The following STX16 variants were observed in gnomAD, a reference collection of about 807,000 sequenced individuals.
STX16 encodes the protein syntaxin-16.
In STX16, 28 loss-of-function variants were observed where a neutral mutation model predicts 42.7. The ratio of observed to expected loss-of-function variants is 0.66; its 90% confidence interval spans 0.49 to 0.90. The LOEUF (loss-of-function observed/expected upper bound fraction) is 0.90. Among genes scored for constraint, STX16 ranks in the 40% least tolerant of loss-of-function variants. The pLI is 0.00. For missense variants in STX16, 361 were observed against 420.9 expected (o/e 0.86, Z 1.24); for synonymous variants, 156 against 155.2 (o/e 1.00, Z -0.04).
At chr20:58,658,289 A>G (rs1432221227) in intron 1 of STX16, among the ~76,000 whole-genome samples, 1 of 152,214 alleles carries the variant, frequency 6.6e-6, no homozygotes, top group African/African-American at 2.4e-5. Flanking sequence ...AAAGATTTTA[A>G]TGTTCTCTTA....
chr20:58,664,426 G>A (rs986909342), intron 2 of STX16, among the ~76,000 whole-genome samples: 7 of 152,170 alleles, frequency 4.6e-5, no homozygotes, highest in East Asian at 3.9e-4. Context: ...CAAATTATTC[G>A]CTATTTAAAG....
In STX16 at chr20:58,678,790, C is replaced by G. The variant is rs886056866; in HGVS notation, c.*2499C>G. The stretch of plus-strand genomic sequence containing the variant: ...GTTGAGCCTGTACTTGGGGAGAGAT[C>G]AGTAGCATTTGAGGAAGTAAGAGAA... On this transcript the variant is annotated 3_prime_UTR_variant, in exon 9 of 9. Transcript: ENST00000371141. The G allele has an allele frequency of 6.6e-6, 1 of 152,194 alleles. No homozygotes were observed. The highest frequency in any genetic ancestry group is 1.5e-5 in the Non-Finnish European group (1 of 68,064). 9.4% of individuals were successfully genotyped at this position (152,194 alleles called of 1,614,324 possible).
At position 58,677,776 on chromosome 20, in the gene STX16, C is replaced by T. The variant is rs2123037600; in HGVS notation, c.*1485C>T. ...GTTTACAGAAATTTAAACTCAATTC[C>T]AGAGATTGAAGTTGTCCAAACAGCT... is the stretch of plus-strand genomic sequence containing the variant. On this transcript the variant is annotated 3_prime_UTR_variant, in exon 9 of 9. Coordinates refer to ENST00000371141, the MANE Select transcript of STX16 (RefSeq NM_001001433.3). The T allele has an allele frequency of 6.6e-6, 1 of 152,242 alleles. No homozygotes were observed. The highest frequency in any genetic ancestry group is 1.5e-5 in the Non-Finnish European group (1 of 68,012). The allele number at this position is 152,242 out of a possible 1,614,324, so 9.4% of individuals were successfully genotyped here. A position where few individuals can be genotyped will look rare whatever the true frequency, so the allele number is the denominator to read the frequency against.
At chr20:58,668,848 A>G (rs373950153) in intron 4 of STX16, among the ~76,000 whole-genome samples, 2 of 152,160 alleles carry the variant, frequency 1.3e-5, no homozygotes, top group East Asian at 3.9e-4. Flanking sequence ...CTGAAATCCA[A>G]AATGCTCCAA....
chr20:58,671,229 C>T lies in STX16; in HGVS notation c.724C>T (p.Gln242Ter). Reference sequence around the variant, plus strand: ...GGAAGAGCGGGAACGAGAGATTCGCCAGATTGTACAGTCCATTTCTGACCT... The same window carrying T: ...GGAAGAGCGGGAACGAGAGATTCGCTAGATTGTACAGTCCATTTCTGACCT... ...MVEEREREIR[Q>*]IVQSISDLNE... The change falls in exon 7 of 9, where the codon CAG becomes TAG. Residue 242 changes from glutamine to a stop codon, truncating the protein, a stop_gained. Transcript: ENST00000371141. LOFTEE classifies it high-confidence loss of function. 6.2e-7 allele frequency: 1 copy of T among 1,613,900 alleles called. No homozygotes were observed. The highest frequency in any genetic ancestry group is 8.5e-7 in the Non-Finnish European group (1 of 1,179,966).
intron 1 of STX16, among the ~76,000 whole-genome samples, chr20:58,654,469 C>T (rs2083543741): frequency 6.6e-6 from 1 of 152,120 alleles, no homozygotes; most frequent in African/African-American, 2.4e-5. Context: ...CACAGTACGG[C>T]GAAATGCTAA....
At chr20:58,668,808 A>C (rs1263440235) in intron 4 of STX16, among the ~76,000 whole-genome samples, 1 of 152,122 alleles carries the variant, frequency 6.6e-6, no homozygotes, top group African/African-American at 2.4e-5. Flanking sequence ...ATAATATGAT[A>C]TATGATAATA....
At chr20:58,653,823 C>G (rs2122890326) in intron 1 of STX16, among the ~76,000 whole-genome samples, 1 of 149,976 alleles carries the variant, frequency 6.7e-6, no homozygotes, top group East Asian at 1.9e-4. Flanking sequence ...CATTAAGGTT[C>G]AAAATACCCT....
In STX16 at chr20:58,669,343, C is replaced by T; in HGVS notation, c.446C>T (p.Ala149Val). The change falls in exon 5 of 9, where the codon GCC becomes GTC. Residue 149 changes from alanine to valine, a missense_variant. Transcript: ENST00000371141. ...CAGGCCCTGCCGAGCCGGGCCCGGGCCTGCTCCGAGCAGGAGGGGCGGCTG... is the reference window on the plus strand; with the variant it reads ...CAGGCCCTGCCGAGCCGGGCCCGGGTCTGCTCCGAGCAGGAGGGGCGGCTG... The part of the protein sequence containing the change: ...AVQALPSRAR[A>V]CSEQEGRLLG... 4 of 1,612,208 alleles carry T rather than the reference C, an allele frequency of 2.5e-6. No individual in the cohort carries two copies. The South Asian group carries it at 3.3e-5, about 13-fold the overall frequency.
At chr20:58,674,376 A>C (rs961414496) in intron 8 of STX16, among the ~76,000 whole-genome samples, 19 of 152,222 alleles carry the variant, frequency 1.2e-4, no homozygotes, top group Admixed American at 4.6e-4. Context: ...TGAGACTCTC[A>C]TATATAATTG....
At chr20:58,661,357 C>T (rs1461923288) in intron 2 of STX16, among the ~76,000 whole-genome samples, 4 of 152,218 alleles carry the variant, frequency 2.6e-5, no homozygotes, top group Non-Finnish European at 4.4e-5. Flanking sequence ...ACTGCATGAA[C>T]TTGGCAGGCC....
chr20:58,667,033 TG>T (rs1251759932), intron 2 of STX16, among the ~76,000 whole-genome samples: 1 of 152,118 alleles, frequency 6.6e-6, no homozygotes, highest in Non-Finnish European at 1.5e-5. Flanking sequence ...AAGTAAACCT[TG>T]CTACTATTGA....
chr20:58,662,291 G>A (rs967728742), intron 2 of STX16, among the ~76,000 whole-genome samples: 3 of 152,250 alleles, frequency 2.0e-5, no homozygotes, highest in Admixed American at 6.5e-5. Flanking sequence ...AGGGAGCGGC[G>A]CTCCTCTGAA....
intron 7 of STX16, 52 bp from the exon 8 acceptor site, chr20:58,673,579 A>G: frequency 8.0e-7 from 1 of 1,254,342 alleles, no homozygotes; most frequent in South Asian, 1.2e-5. Flanking sequence ...TTTGACGTTC[A>G]GTTTTCCCAG....
Position 58,668,107 on chromosome 20 carries a change from A to G in STX16, c.373A>G (p.Thr125Ala). ...CGAAGAGGAACATGCCATTGAGATAACTACCCAAGAGATCACTCAGGTGAG... is the reference window on the plus strand; with the variant it reads ...CGAAGAGGAACATGCCATTGAGATAGCTACCCAAGAGATCACTCAGGTGAG... ...SSEEEHAIEI[T>A]TQEITQLFHR... Residue 125 changes from threonine (T) to alanine (A), a missense_variant, in exon 4 of 9, where the codon ACT (threonine) becomes GCT (alanine). By Grantham distance (58) the Thr-to-Ala change is moderately conservative (BLOSUM62 0). Coordinates refer to ENST00000371141, the MANE Select transcript of STX16 (RefSeq NM_001001433.3). The G allele has an allele frequency of 6.2e-7, 1 of 1,614,256 alleles. No homozygotes were observed. Among genetic ancestry groups the G allele is most frequent in the Non-Finnish European group, 8.5e-7 (1 of 1,180,040 alleles).
Position 58,670,599 on chromosome 20 carries a change from A to G in STX16, c.644A>G (p.His215Arg). 6.2e-7 allele frequency: 1 copy of G among 1,613,824 alleles called. No homozygotes were observed. The highest frequency in any genetic ancestry group is 8.5e-7 in the Non-Finnish European group (1 of 1,179,748). The change falls in exon 6 of 9, where the codon CAT becomes CGT. Residue 215 changes from histidine to arginine, a missense_variant. His to Arg is a conservative substitution (Grantham distance 29, BLOSUM62 0). Transcript: ENST00000371141. ...MDDGDDNTLY[H>R]RGFTEDQLVL... Reference sequence around the variant, plus strand: ...GATGGAGACGATAACACTCTTTACCATCGGGTACGTGAACGGGCTGCAAAG... The same window carrying G: ...GATGGAGACGATAACACTCTTTACCGTCGGGTACGTGAACGGGCTGCAAAG...
At chr20:58,672,288 C>T (rs1456848559) in intron 7 of STX16, among the ~76,000 whole-genome samples, 7 of 152,176 alleles carry the variant, frequency 4.6e-5, no homozygotes, top group African/African-American at 1.7e-4. Context: ...GCCGAGATTG[C>T]ACCATTGCAC....
Position 58,659,632 on chromosome 20 carries a change from G to A in STX16, c.142G>A (p.Glu48Lys), listed in dbSNP as rs1209218576. The change falls in exon 2 of 9, where the codon GAG (glutamate) becomes AAG (lysine). Residue 48 changes from glutamate to lysine, a missense_variant and splice_region_variant. Physicochemically the swap from Glu to Lys is moderately conservative, Grantham distance 56. Coordinates refer to ENST00000371141, the MANE Select transcript of STX16 (RefSeq NM_001001433.3). Reference protein sequence around the residue: ...HSRSIAAELDELADDRMALVS... With the variant: ...HSRSIAAELDKLADDRMALVS... ...CAACATGTCTCTTCAGGAGCTGGAC[G>A]AGGTATTGTGTTTTGAATATTTTTA... The A allele has an allele frequency of 1.9e-6, 3 of 1,612,562 alleles. No individual in the cohort carries two copies. Among genetic ancestry groups the A allele is most frequent in the East Asian group, 2.2e-5 (1 of 44,792 alleles).
chr20:58,664,189 C>T (rs2083764979), intron 2 of STX16, among the ~76,000 whole-genome samples: 2 of 152,174 alleles, frequency 1.3e-5, no homozygotes, highest in Admixed American at 6.5e-5. Context: ...GCTTATGTTG[C>T]ACATAAAATT....
Sources: allele counts gnomAD v4.1 joint callset (sites outside exome capture counted in the v4.1 genomes callset), GRCh38; gene constraint gnomAD v4.1.1; transcripts MANE v1.5; gene names NCBI Gene and HGNC (gene_info 2026-07-23, HGNC 2026-07-21).